Variants in GPC5 observed in about 807,000 individuals in gnomAD.
GPC5 encodes glypican 5, also known as glypican-5.
A neutral mutation model predicts 53.9 loss-of-function variants in GPC5; 47 were observed. That is an observed-to-expected ratio of 0.87 (90% CI 0.69 to 1.11). The LOEUF (loss-of-function observed/expected upper bound fraction) is 1.11. Ranked by LOEUF, GPC5 falls within the 50% of genes most tolerant of loss-of-function variation. The pLI is 0.00. For missense variants in GPC5, 748 were observed against 713.1 expected, an observed-to-expected ratio of 1.05 and a Z score of -0.56; for synonymous variants, 286 against 263.3, an observed-to-expected ratio of 1.09 and a Z score of -0.84.
chr13:92,787,214 A>T (rs1018697623), intron 7 of GPC5, among the ~76,000 whole-genome samples: 1 of 152,126 alleles, frequency 6.6e-6, no homozygotes, highest in African/African-American at 2.4e-5. Flanking sequence ...GGTTGGGAAG[A>T]TAAAAAATAA....
chr13:91,770,191 A>T (rs942252316), intron 5 of GPC5, among the ~76,000 whole-genome samples: 2 of 152,172 alleles, frequency 1.3e-5, no homozygotes, highest in Non-Finnish European at 2.9e-5. Context: ...CTGGGCAAGC[A>T]ATGGAAGAAG....
chr13:91,556,853 A>G (rs1178736530), intron 2 of GPC5, among the ~76,000 whole-genome samples: 1 of 151,904 alleles, frequency 6.6e-6, no homozygotes, highest in Non-Finnish European at 1.5e-5. Flanking sequence ...ATAAAAAACC[A>G]AAAATTGGGT....
intron 7 of GPC5, among the ~76,000 whole-genome samples, chr13:92,626,469 A>G (rs191591563): frequency 2.0e-5 from 3 of 152,280 alleles, no homozygotes. Context: ...GAGCATTGGC[A>G]TGTGTGGTGA....
chr13:92,014,166 T>G (rs1419047585), intron 6 of GPC5, among the ~76,000 whole-genome samples: 1 of 152,184 alleles, frequency 6.6e-6, no homozygotes, highest in Non-Finnish European at 1.5e-5. Context: ...GTACAGTAAC[T>G]GACACTTATG....
chr13:91,592,562 C>T (rs553888161), intron 2 of GPC5, among the ~76,000 whole-genome samples: 100 of 152,308 alleles, frequency 6.6e-4, no homozygotes, highest in Non-Finnish European at 1.2e-3. Flanking sequence ...GCGCATCTCA[C>T]CCCCTTCATG....
chr13:91,942,181 G>A (rs936415159), intron 6 of GPC5, among the ~76,000 whole-genome samples: 17 of 151,928 alleles, frequency 1.1e-4, no homozygotes, highest in Admixed American at 2.0e-4. Flanking sequence ...ATTTATGTAA[G>A]CTTCAATTTA....
chr13:91,521,667 A>C (rs770827837), intron 2 of GPC5, among the ~76,000 whole-genome samples: 3 of 152,244 alleles, frequency 2.0e-5, no homozygotes, highest in Non-Finnish European at 2.9e-5. Flanking sequence ...TTCTGCGATG[A>C]AATGTGTGAG....
At chr13:92,264,878 C>CTG (rs71815584) in intron 7 of GPC5, among the ~76,000 whole-genome samples, 5,949 of 104,554 alleles carry the variant, frequency 0.057, 175 homozygotes, top group South Asian at 0.064. Flanking sequence ...CTCTCTCTCT[C>CTG]TGTGTGTGTG....
At chr13:92,053,248 T>G (rs2041045248) in intron 6 of GPC5, among the ~76,000 whole-genome samples, 1 of 152,176 alleles carries the variant, frequency 6.6e-6, no homozygotes, top group African/African-American at 2.4e-5. Context: ...TTGCTTATGT[T>G]AGGCGTCAGG....
chr13:92,623,554 T>C (rs1259513235), intron 7 of GPC5, among the ~76,000 whole-genome samples: 1 of 152,180 alleles, frequency 6.6e-6, no homozygotes, highest in Non-Finnish European at 1.5e-5. Context: ...AAAAAGCTAG[T>C]TTATTATTAA....
intron 6 of GPC5, among the ~76,000 whole-genome samples, chr13:92,057,507 C>T (rs2138847630): frequency 6.6e-6 from 1 of 152,276 alleles, no homozygotes; most frequent in Non-Finnish European, 1.5e-5. Flanking sequence ...CTCTTTCTCT[C>T]TTTAGTACAT....
At chr13:92,642,039 C>T (rs1566337613) in intron 7 of GPC5, among the ~76,000 whole-genome samples, 1 of 152,004 alleles carries the variant, frequency 6.6e-6, no homozygotes, top group Non-Finnish European at 1.5e-5. Context: ...GTCTCATTTT[C>T]ACTGCTGGTG....
intron 5 of GPC5, among the ~76,000 whole-genome samples, chr13:91,813,383 A>C (rs1251021764): frequency 6.6e-6 from 1 of 152,184 alleles, no homozygotes; most frequent in Non-Finnish European, 1.5e-5. Flanking sequence ...AGCTGCCAAG[A>C]TTTCGGCTGC....
intron 6 of GPC5, among the ~76,000 whole-genome samples, chr13:91,908,941 G>A (rs2039582672): frequency 6.6e-6 from 1 of 152,194 alleles, no homozygotes; most frequent in East Asian, 1.9e-4. Flanking sequence ...AGAGTCAGTA[G>A]TAGACTTCTC....
intron 3 of GPC5, among the ~76,000 whole-genome samples, chr13:91,712,189 T>C (rs1457414653): frequency 1.3e-5 from 2 of 152,184 alleles, no homozygotes; most frequent in Non-Finnish European, 2.9e-5. Flanking sequence ...GCAACCATTT[T>C]ATTCAATGAT....
chr13:92,834,752 G>T (rs1159505422), intron 7 of GPC5, among the ~76,000 whole-genome samples: 2 of 151,974 alleles, frequency 1.3e-5, no homozygotes, highest in Non-Finnish European at 1.5e-5. Flanking sequence ...AGAGATAATT[G>T]GTATCTAATG....
At chr13:92,714,731 C>T (rs945693490) in intron 7 of GPC5, among the ~76,000 whole-genome samples, 1 of 152,064 alleles carries the variant, frequency 6.6e-6, no homozygotes, top group Admixed American at 6.6e-5. Context: ...TCCCATATAA[C>T]AACTGTTTTC....
chr13:91,575,508 A>AAGTATTACCCTTT (rs1421856026), intron 2 of GPC5, among the ~76,000 whole-genome samples: 67 of 152,264 alleles, frequency 4.4e-4, no homozygotes, highest in African/African-American at 1.6e-3. Flanking sequence ...CTATACAAGA[A>AAGTATTACCCTTT]AGTATTACCC....
chr13:92,532,840 C>A (rs928280317), intron 7 of GPC5, among the ~76,000 whole-genome samples: 1 of 152,092 alleles, frequency 6.6e-6, no homozygotes, highest in Non-Finnish European at 1.5e-5. Context: ...AAAAGAACAT[C>A]TTTTGCAAAA....
Sources: allele counts gnomAD v4.1 joint callset (sites outside exome capture counted in the v4.1 genomes callset), GRCh38; gene constraint gnomAD v4.1.1; transcripts MANE v1.5; gene names NCBI Gene and HGNC (gene_info 2026-07-23, HGNC 2026-07-21).